Variants in SCTR observed in about 807,000 individuals in gnomAD.
SCTR encodes pancreatic secretin receptor.
Under a neutral mutation model 60.8 loss-of-function variants are expected in SCTR, and 56 were observed. The ratio of observed to expected loss-of-function variants is 0.92; its 90% confidence interval spans 0.74 to 1.15. The LOEUF (loss-of-function observed/expected upper bound fraction) is 1.15, where lower values mean the gene tolerates loss of function less well. Among genes scored for constraint, SCTR ranks in the 50% most tolerant of loss-of-function variants. SCTR has a pLI of 0.00. For synonymous variants in SCTR, 202 were observed against 217.0 expected (o/e 0.93, Z 0.61); for missense variants, 562 against 550.4 (o/e 1.02, Z -0.21).
At chr2:119,442,933 G>C (rs374200046) in intron 11 of SCTR, among the ~76,000 whole-genome samples, 2 of 152,100 alleles carry the variant, frequency 1.3e-5, no homozygotes, top group South Asian at 4.2e-4. Flanking sequence ...GTAATTGTAG[G>C]TCCCAGGTGC....
intron 1 of SCTR, among the ~76,000 whole-genome samples, chr2:119,515,756 C>G (rs995052950): frequency 6.6e-6 from 1 of 152,174 alleles, no homozygotes; most frequent in East Asian, 1.9e-4. Context: ...CGGTCAGACT[C>G]AGAACCACGT....
intron 11 of SCTR, among the ~76,000 whole-genome samples, chr2:119,443,475 T>C (rs77759447): frequency 0.026 from 3,934 of 152,342 alleles, 173 homozygotes; most frequent in African/African-American, 0.089. Context: ...TTTTTCTTTT[T>C]TTGAAAAACT....
intron 11 of SCTR, among the ~76,000 whole-genome samples, chr2:119,445,133 C>T (rs564903140): frequency 4.8e-4 from 73 of 152,122 alleles, no homozygotes; most frequent in Admixed American, 1.4e-3. Context: ...CAACCATTAG[C>T]CCCAACTCTG....
intron 2 of SCTR, chr2:119,479,310 C>T (rs1184268598): frequency 2.4e-5 from 24 of 994,534 alleles, no homozygotes; most frequent in Non-Finnish European, 2.6e-5. Flanking sequence ...CTTCATGGTA[C>T]GACTACCTGG....
intron 1 of SCTR, 137 bp downstream of exon 1, chr2:119,524,018 G>A: frequency 1.5e-6 from 1 of 677,672 alleles, no homozygotes; most frequent in Non-Finnish European, 2.6e-6. Context: ...ATGTTGGGAG[G>A]ATTGGGAGGG....
intron 3 of SCTR, among the ~76,000 whole-genome samples, chr2:119,478,471 G>C (rs994883499): frequency 6.6e-6 from 1 of 152,134 alleles, no homozygotes; most frequent in Non-Finnish European, 1.5e-5. Flanking sequence ...TTCCAGACAT[G>C]GGGACTGGAA....
intron 1 of SCTR, among the ~76,000 whole-genome samples, chr2:119,506,073 G>C (rs576913875): frequency 6.6e-6 from 1 of 152,162 alleles, no homozygotes; most frequent in Non-Finnish European, 1.5e-5. Flanking sequence ...AATGTAAAAT[G>C]GTACAGTCAC....
chr2:119,453,535 C>G (rs185875125), intron 7 of SCTR, among the ~76,000 whole-genome samples, 188 bp from the exon 8 acceptor site: 292 of 152,288 alleles, frequency 1.9e-3, no homozygotes, highest in African/African-American at 6.7e-3. Flanking sequence ...TCAAGGGTGC[C>G]GGGCATGCCC....
chr2:119,504,843 A>G (rs67348535), intron 1 of SCTR, among the ~76,000 whole-genome samples: 64,250 of 152,072 alleles, frequency 0.42, 14,190 homozygotes, highest in East Asian at 0.86. Flanking sequence ...ATAATATCTA[A>G]AATATACAAA....
In SCTR at chr2:119,446,880, AG is replaced by A; in HGVS notation, c.1018del (p.Leu340TrpfsTer8). The A allele has an allele frequency of 1.3e-6, 2 of 1,531,094 alleles. No individual in the cohort carries two copies. The highest frequency in any genetic ancestry group is 1.8e-6 in the Non-Finnish European group (2 of 1,137,072). The allele number at this position is 1,531,094 out of a possible 1,614,324, so 94.8% of individuals were successfully genotyped here. Reference sequence around the variant, plus strand: ...GATCAGCAGGAGAGTGGACCTGGCCAGGCGCCTGGGGACACAGAAAGCCTGT... The same window carrying A: ...GATCAGCAGGAGAGTGGACCTGGCCAGCGCCTGGGGACACAGAAAGCCTGT... ...RGNEVSHYKR[L>X]ARSTLLLIPL... On this transcript the variant is annotated frameshift_variant, in exon 11 of 13. Transcript: ENST00000019103. LOFTEE classifies it high-confidence loss of function.
chr2:119,475,640 T>C (rs1401904927), intron 3 of SCTR, among the ~76,000 whole-genome samples: 1 of 146,626 alleles, frequency 6.8e-6, no homozygotes, highest in Admixed American at 6.8e-5. Context: ...ATTTATATTA[T>C]ATATATAATA....
intron 9 of SCTR, among the ~76,000 whole-genome samples, chr2:119,449,866 C>T (rs1683078214): frequency 6.6e-6 from 1 of 150,448 alleles, no homozygotes; most frequent in Admixed American, 6.6e-5. Flanking sequence ...GCTATCAACT[C>T]ATTAAGGCTA....
chr2:119,468,836 G>A (rs1056822120), intron 4 of SCTR, among the ~76,000 whole-genome samples: 1 of 152,120 alleles, frequency 6.6e-6, no homozygotes, highest in Non-Finnish European at 1.5e-5. Flanking sequence ...GAAAAAACTG[G>A]GTCCATGACA....
chr2:119,496,255 A>T (rs1055076947), intron 1 of SCTR, among the ~76,000 whole-genome samples: 12 of 152,242 alleles, frequency 7.9e-5, no homozygotes, highest in Admixed American at 6.5e-4. Flanking sequence ...CATGACTCTC[A>T]ACAGGACAGA....
At chr2:119,507,264 T>C (rs1336185508) in intron 1 of SCTR, among the ~76,000 whole-genome samples, 1 of 152,136 alleles carries the variant, frequency 6.6e-6, no homozygotes, top group African/African-American at 2.4e-5. Flanking sequence ...AACAGGAAAA[T>C]CAAGACAAAC....
intron 1 of SCTR, among the ~76,000 whole-genome samples, chr2:119,496,573 G>A: frequency 6.6e-6 from 1 of 152,204 alleles, no homozygotes; most frequent in East Asian, 1.9e-4. Flanking sequence ...CTGAAAAGTG[G>A]AAGAAGAAGA....
intron 3 of SCTR, among the ~76,000 whole-genome samples, chr2:119,474,645 C>T (rs2104834827): frequency 6.6e-6 from 1 of 152,334 alleles, no homozygotes; most frequent in South Asian, 2.1e-4. Context: ...ACACAGTCTC[C>T]AGGGGCTGGG....
At chr2:119,507,675 T>TG (rs1678787658) in intron 1 of SCTR, among the ~76,000 whole-genome samples, 1 of 130,278 alleles carries the variant, frequency 7.7e-6, no homozygotes, top group Non-Finnish European at 1.7e-5. Flanking sequence ...TTTTTTTTTT[T>TG]TTTTCTTTTT....
chr2:119,489,878 T>C (rs1041009949), intron 2 of SCTR, among the ~76,000 whole-genome samples: 4 of 152,218 alleles, frequency 2.6e-5, no homozygotes, highest in Non-Finnish European at 4.4e-5. Context: ...TTTAAACACA[T>C]GTTATGTTAA....
Sources: gnomAD v4.1 joint callset for allele counts (sites outside exome capture counted in the v4.1 genomes callset) on GRCh38, gnomAD v4.1.1 for gene constraint, MANE v1.5 for transcripts, NCBI Gene and HGNC (gene_info 2026-07-23, HGNC 2026-07-21) for gene names.